The following SIL1 variants were observed in gnomAD, a reference collection of about 807,000 sequenced individuals.
SIL1 encodes the protein nucleotide exchange factor SIL1.
SIL1 carries 40 observed loss-of-function variants against 49.1 expected under a neutral mutation model. The observed-to-expected ratio is 0.81, with a 90% CI of 0.63 to 1.06. SIL1 has a LOEUF of 1.06. SIL1 is among the 50% of genes least tolerant of loss of function. The pLI is 0.00. For missense variants in SIL1, 500 were observed against 572.6 expected (o/e 0.87, Z 1.29); for synonymous variants, 253 against 250.8 (o/e 1.01, Z -0.08).
At chr5:139,086,851 T>A (rs986392133) in intron 3 of SIL1, among the ~76,000 whole-genome samples, 1 of 151,694 alleles carries the variant, frequency 6.6e-6, no homozygotes, top group Non-Finnish European at 1.5e-5. Context: ...TCCCAGCTAC[T>A]TGGGAGGCTG....
chr5:138,966,900 A>T (rs1161131506), intron 7 of SIL1, among the ~76,000 whole-genome samples: 1 of 152,212 alleles, frequency 6.6e-6, no homozygotes, highest in African/African-American at 2.4e-5. Context: ...ACACGCCGCA[A>T]ATTACTAGCC....
At position 139,152,830 on chromosome 5, in the gene SIL1, T is replaced by C. The variant is rs544973194; in HGVS notation, c.-10-24977A>G. ...TTCATCTCTTTCCTCTCCCTGCCTATTGAGATGGAGTTTTGCTCTTGTTGC... is the reference window on the plus strand; with the variant it reads ...TTCATCTCTTTCCTCTCCCTGCCTACTGAGATGGAGTTTTGCTCTTGTTGC... On this transcript the variant is annotated intron_variant, in intron 1 of 9. Transcript: ENST00000394817. Among the ~76,000 whole-genome samples the C allele has an allele frequency of 2.2e-4, 33 of 152,210 alleles. 1 individual carries two copies. In the South Asian group the frequency reaches 6.4e-3, roughly 30 times the overall value.
chr5:139,158,047 G>A (rs1454477550), intron 1 of SIL1, among the ~76,000 whole-genome samples: 1 of 152,250 alleles, frequency 6.6e-6, no homozygotes, highest in Admixed American at 6.5e-5. Flanking sequence ...TTAGAGAGTT[G>A]CAAAACTGGG....
At chr5:138,976,603 C>G (rs1767398721) in intron 7 of SIL1, among the ~76,000 whole-genome samples, 1 of 152,138 alleles carries the variant, frequency 6.6e-6, no homozygotes, top group African/African-American at 2.4e-5. Context: ...ACTTGAGCCA[C>G]CACGCAGGCC....
intron 1 of SIL1, among the ~76,000 whole-genome samples, chr5:139,149,050 C>G (rs1055131433): frequency 3.9e-5 from 6 of 151,984 alleles, no homozygotes; most frequent in Admixed American, 2.6e-4. Flanking sequence ...CTCCCGTTAA[C>G]AACTAGGCAC....
At chr5:138,972,577 C>CT (rs1767302556) in intron 7 of SIL1, among the ~76,000 whole-genome samples, 1 of 152,228 alleles carries the variant, frequency 6.6e-6, no homozygotes, top group African/African-American at 2.4e-5. Flanking sequence ...CACTTGTTCC[C>CT]TGCCCTTCTT....
At chr5:139,120,959 C>T in intron 3 of SIL1, 76 bp downstream of exon 3, 2 of 1,572,042 alleles carry the variant, frequency 1.3e-6, no homozygotes, top group East Asian at 4.5e-5. Context: ...CCTGAAGGAG[C>T]AGCCCTCTGG....
At chr5:139,073,895 C>T (rs1157381822) in intron 3 of SIL1, among the ~76,000 whole-genome samples, 1 of 150,414 alleles carries the variant, frequency 6.6e-6, no homozygotes, top group African/African-American at 2.4e-5. Flanking sequence ...AGCAAAACTC[C>T]ATCTCAAAAA....
intron 4 of SIL1, among the ~76,000 whole-genome samples, chr5:139,045,848 A>C (rs1769147569): frequency 6.6e-6 from 1 of 152,184 alleles, no homozygotes; most frequent in Admixed American, 6.5e-5. Flanking sequence ...AATCATAAGC[A>C]AGTCCTCTTG....
At chr5:139,003,823 T>G (rs1768048187) in intron 7 of SIL1, among the ~76,000 whole-genome samples, 2 of 152,210 alleles carry the variant, frequency 1.3e-5, no homozygotes, top group African/African-American at 2.4e-5. Context: ...TTCTCTTTGC[T>G]TCAATAAATG....
intron 7 of SIL1, among the ~76,000 whole-genome samples, chr5:138,983,814 C>T (rs1452462555): frequency 6.6e-6 from 1 of 151,042 alleles, no homozygotes; most frequent in African/African-American, 2.5e-5. Context: ...GAGCATCCCT[C>T]CTCCCAGAGA....
intron 1 of SIL1, among the ~76,000 whole-genome samples, chr5:139,195,261 C>A (rs1561897910): frequency 6.6e-6 from 1 of 152,016 alleles, no homozygotes; most frequent in Non-Finnish European, 1.5e-5. Context: ...TGAATATTCT[C>A]ATTAACGGCA....
intron 9 of SIL1, among the ~76,000 whole-genome samples, chr5:138,949,849 A>G: frequency 6.6e-6 from 1 of 152,152 alleles, no homozygotes; most frequent in Admixed American, 6.5e-5. Context: ...AAGAAAAAAG[A>G]AATCACAAGA....
At chr5:139,128,646 C>G (rs1417395287) in intron 1 of SIL1, among the ~76,000 whole-genome samples, 1 of 137,788 alleles carries the variant, frequency 7.3e-6, no homozygotes, top group Admixed American at 7.3e-5. Flanking sequence ...GAGACCCCAT[C>G]CCTCCAAAAA....
chr5:138,967,314 G>A (rs1767166274), intron 7 of SIL1, among the ~76,000 whole-genome samples: 1 of 152,196 alleles, frequency 6.6e-6, no homozygotes, highest in South Asian at 2.1e-4. Context: ...ATTAGGGGAG[G>A]GGCCTGGCCA....
At chr5:139,000,754 T>C (rs1425311868) in intron 7 of SIL1, among the ~76,000 whole-genome samples, 1 of 152,066 alleles carries the variant, frequency 6.6e-6, no homozygotes, top group Non-Finnish European at 1.5e-5. Context: ...CTTTAAAATG[T>C]CTGTAACAAA....
chr5:139,101,934 G>T (rs929352016), intron 3 of SIL1, among the ~76,000 whole-genome samples: 5 of 152,196 alleles, frequency 3.3e-5, no homozygotes, highest in Non-Finnish European at 7.3e-5. Context: ...TGATGTTAGT[G>T]CAGAGAGATA....
chr5:139,011,321 T>C (rs1445538854), intron 7 of SIL1, among the ~76,000 whole-genome samples: 1 of 152,106 alleles, frequency 6.6e-6, no homozygotes, highest in Non-Finnish European at 1.5e-5. Flanking sequence ...CTGCTTCGGC[T>C]CCCGCACCGT....
At position 138,948,058 on chromosome 5, in the gene SIL1, G is replaced by C. The variant is rs1181872849; in HGVS notation, c.1030-585C>G. Among the ~76,000 whole-genome samples, 2 of 152,202 alleles carry C rather than the reference G, an allele frequency of 1.3e-5. No homozygotes were observed. Among genetic ancestry groups the C allele is most frequent in the African/African-American group, 4.8e-5 (2 of 41,456 alleles). On this transcript the variant is annotated intron_variant, in intron 9 of 9. Transcript: ENST00000394817. The surrounding 1 kb of genome is among the most constrained non-coding windows in gnomAD (Gnocchi z 4.8). ...AAGGTCAGAGGTAGAGGGTTGGGAGGGGGCAGAGATCTCCCGTGCAGCTGT... is the reference window on the plus strand; with the variant it reads ...AAGGTCAGAGGTAGAGGGTTGGGAGCGGGCAGAGATCTCCCGTGCAGCTGT...
Sources: gnomAD v4.1 joint callset for allele counts (sites outside exome capture counted in the v4.1 genomes callset) on GRCh38, gnomAD v4.1.1 for gene constraint, Gnocchi (gnomAD v3.1) non-coding constraint, MANE v1.5 for transcripts, NCBI Gene and HGNC (gene_info 2026-07-23, HGNC 2026-07-21) for gene names.